WDR27: variants seen among roughly 807,000 people sequenced by gnomAD.
The protein encoded by WDR27 is WD repeat-containing protein 27.
A neutral mutation model predicts 114.4 loss-of-function variants in WDR27; 100 were observed. That is an observed-to-expected ratio of 0.87 (90% CI 0.74 to 1.03). WDR27 has a LOEUF of 1.03. WDR27 is among the 50% of genes least tolerant of loss of function. The pLI is 0.00. For missense variants in WDR27, 1,129 were observed against 1,092.9 expected (o/e 1.03, Z -0.47); for synonymous variants, 449 against 423.1 (o/e 1.06, Z -0.75).
intron 22 of WDR27, 57 bp downstream of exon 22, chr6:169,613,502 G>A: frequency 1.5e-6 from 2 of 1,349,666 alleles, no homozygotes; most frequent in Non-Finnish European, 1.1e-6. Flanking sequence ...AGATCAGATT[G>A]AGCTTATATC....
intron 25 of WDR27, among the ~76,000 whole-genome samples, chr6:169,565,288 C>G (rs941359063): frequency 6.6e-6 from 1 of 152,060 alleles, no homozygotes; most frequent in African/African-American, 2.4e-5. Flanking sequence ...AATTTTATAC[C>G]AAGATTAAAC....
intron 22 of WDR27, among the ~76,000 whole-genome samples, chr6:169,609,163 T>C (rs1172893727): frequency 6.6e-6 from 1 of 151,842 alleles, no homozygotes; most frequent in Non-Finnish European, 1.5e-5. Flanking sequence ...AGCCTGGTGT[T>C]GAGTGTCTGC....
At chr6:169,632,515 C>T (rs1005774575) in intron 21 of WDR27, among the ~76,000 whole-genome samples, 1 of 152,124 alleles carries the variant, frequency 6.6e-6, no homozygotes, top group African/African-American at 2.4e-5. Flanking sequence ...TTTAACCTAC[C>T]GCTGTGGATA....
the WDR27 span, among the ~76,000 whole-genome samples, chr6:169,446,438 G>A: frequency 6.6e-6 from 1 of 152,204 alleles, no homozygotes; most frequent in Non-Finnish European, 1.5e-5. Context: ...GGCGAGGTCT[G>A]GCTTCTGTGG....
chr6:169,452,004 A>AT, the WDR27 span, among the ~76,000 whole-genome samples: 1 of 152,106 alleles, frequency 6.6e-6, no homozygotes, highest in Non-Finnish European at 1.5e-5. Context: ...AGAGCAAAAT[A>AT]TTTTTCTCCA....
chr6:169,551,306 A>G (rs1428949739), intron 25 of WDR27, among the ~76,000 whole-genome samples: 1 of 151,842 alleles, frequency 6.6e-6, no homozygotes, highest in Non-Finnish European at 1.5e-5. Flanking sequence ...ACACAGAGAG[A>G]CCCCACGCTC....
intron 21 of WDR27, among the ~76,000 whole-genome samples, chr6:169,628,041 C>T (rs767246282): frequency 2.6e-5 from 4 of 151,992 alleles, no homozygotes; most frequent in African/African-American, 9.7e-5. Flanking sequence ...GCTCTCCCCC[C>T]AGAATTCATC....
chr6:169,532,756 A>C (rs560349902), intron 25 of WDR27, among the ~76,000 whole-genome samples: 1 of 152,084 alleles, frequency 6.6e-6, no homozygotes, highest in Non-Finnish European at 1.5e-5. Context: ...GGTTAACTGA[A>C]ATAACAATTG....
chr6:169,437,159 A>G, the WDR27 span, among the ~76,000 whole-genome samples: 2 of 152,196 alleles, frequency 1.3e-5, no homozygotes, highest in African/African-American at 4.8e-5. Flanking sequence ...ATAGAACAAA[A>G]ACTGGCAGGT....
intron 25 of WDR27, among the ~76,000 whole-genome samples, chr6:169,469,762 C>G (rs1033423041): frequency 6.6e-6 from 1 of 152,236 alleles, no homozygotes; most frequent in Non-Finnish European, 1.5e-5. Context: ...TGTTCCTCCT[C>G]TTTCTCTGTT....
chr6:169,534,879 A>G (rs1409808662), intron 25 of WDR27, among the ~76,000 whole-genome samples: 1 of 151,930 alleles, frequency 6.6e-6, no homozygotes, highest in Non-Finnish European at 1.5e-5. Flanking sequence ...TAGGTAAAAC[A>G]TGAACTTATT....
At position 169,688,874 on chromosome 6, in the gene WDR27, A is replaced by T; in HGVS notation, c.132T>A (p.Ala44=). 1 of 1,613,200 alleles carries T rather than the reference A, an allele frequency of 6.2e-7. No homozygotes were observed. The highest frequency in any genetic ancestry group is 8.5e-7 in the Non-Finnish European group (1 of 1,179,600). ...AAAGTTCAGTTCCATCCAAAGGGAA[A>T]GCACAGTCCTGCATGCTGCAAGCAA... ...VQLACSMQDC[A]FPLDGTELCI... is the part of the protein sequence containing the mutation. Residue 44 remains alanine (A), a synonymous_variant, in exon 2 of 26, where the codon GCT becomes GCA. Transcript: ENST00000448612.
intron 24 of WDR27, among the ~76,000 whole-genome samples, chr6:169,576,869 T>G (rs9295008): frequency 0.45 from 68,558 of 151,694 alleles, 19,606 homozygotes; most frequent in Non-Finnish European, 0.65. Flanking sequence ...ACCAAGTACT[T>G]TACAGGGTAC....
chr6:169,429,949 C>T, the WDR27 span, among the ~76,000 whole-genome samples: 5 of 152,164 alleles, frequency 3.3e-5, no homozygotes, highest in Non-Finnish European at 5.9e-5. Context: ...GGTCCAAACA[C>T]GTTTTCCAGA....
chr6:169,488,946 C>CTTTTTTTT (rs35035417), intron 25 of WDR27, among the ~76,000 whole-genome samples: 1 of 135,556 alleles, frequency 7.4e-6, no homozygotes, highest in South Asian at 2.4e-4. Flanking sequence ...TTGATGCCCC[C>CTTTTTTTT]TTTTTTTTTT....
intron 23 of WDR27, among the ~76,000 whole-genome samples, chr6:169,587,935 G>A (rs1387950634): frequency 6.6e-6 from 1 of 152,172 alleles, no homozygotes; most frequent in Non-Finnish European, 1.5e-5. Flanking sequence ...AGCTTTTTCT[G>A]TAAAGCCGTG....
In WDR27 at chr6:169,636,357, C is replaced by A. The variant is rs986705414; in HGVS notation, c.2003+14G>T. ...TGTGATCTAAAAATAATGCACAGGG[C>A]GGGGGGTGCCTACCTCTTAATCTCA... On this transcript the variant is annotated intron_variant, in intron 19 of 25. Transcript: ENST00000448612. The A allele has an allele frequency of 1.9e-6, 3 of 1,612,796 alleles. No homozygotes were observed. Among genetic ancestry groups the A allele is most frequent in the South Asian group, 1.1e-5 (1 of 90,840 alleles).
At chr6:169,519,153 C>G (rs1794042304) in intron 25 of WDR27, among the ~76,000 whole-genome samples, 1 of 152,216 alleles carries the variant, frequency 6.6e-6, no homozygotes, top group African/African-American at 2.4e-5. Flanking sequence ...TAACCAGTCT[C>G]TAAGAAGTTC....
intron 25 of WDR27, among the ~76,000 whole-genome samples, chr6:169,508,792 T>C (rs1056596128): frequency 6.6e-5 from 10 of 152,248 alleles, no homozygotes; most frequent in African/African-American, 2.2e-4. Flanking sequence ...AGTAGATACT[T>C]TGTAGAAAAT....
Sources: allele counts gnomAD v4.1 joint callset (sites outside exome capture counted in the v4.1 genomes callset), GRCh38; gene constraint gnomAD v4.1.1; transcripts MANE v1.5; gene names NCBI Gene and HGNC (gene_info 2026-07-23, HGNC 2026-07-21).